The following ORC1 variants were observed in gnomAD, a reference collection of about 807,000 sequenced individuals.
The protein encoded by ORC1 is origin recognition complex subunit 1.
ORC1 carries 61 observed loss-of-function variants against 98.9 expected under a neutral mutation model. The observed-to-expected ratio is 0.62, with a 90% CI of 0.50 to 0.76. The LOEUF (loss-of-function observed/expected upper bound fraction) is 0.76. Ranked by LOEUF, ORC1 falls within the 30% of genes least tolerant of loss-of-function variation. The pLI is 0.00. For missense variants in ORC1, 979 were observed against 1,072.2 expected (o/e 0.91, Z 1.21); for synonymous variants, 385 against 406.9 (o/e 0.95, Z 0.65).
chr1:52,401,485 T>C lies in ORC1; in HGVS notation c.100A>G (p.Met34Val). Residue 34 changes from methionine (M) to valine (V), a missense_variant, in exon 3 of 17, where the codon ATG (methionine) becomes GTG (valine). Met to Val is a conservative substitution (Grantham distance 21, BLOSUM62 1). Coordinates refer to ENST00000371568, the MANE Select transcript of ORC1 (RefSeq NM_004153.4). ...GAACAACCTTCTGTTTTCACACACATTTCTCTAGGAAGTAACAGAGAAGCA... is the reference window on the plus strand; with the variant it reads ...GAACAACCTTCTGTTTTCACACACACTTCTCTAGGAAGTAACAGAGAAGCA... ...RKLHYQTYREMCVKTEGCSTE... is the reference protein window; with the variant it reads ...RKLHYQTYREVCVKTEGCSTE... 1 of 1,613,948 alleles carries C rather than the reference T, an allele frequency of 6.2e-7. No homozygotes were observed.
At chr1:52,381,212 T>C (rs72666821) in intron 14 of ORC1, among the ~76,000 whole-genome samples, 4,497 of 152,236 alleles carry the variant, frequency 0.03, 109 homozygotes, top group Non-Finnish European at 0.045. Context: ...GGGCATGTAA[T>C]AGACATGATA....
intron 13 of ORC1, among the ~76,000 whole-genome samples, chr1:52,381,969 A>G (rs1647076445): frequency 6.6e-6 from 1 of 152,004 alleles, no homozygotes; most frequent in Non-Finnish European, 1.5e-5. Flanking sequence ...CATTTCATTT[A>G]AGGACCTTTG....
In ORC1 at chr1:52,401,449, G is replaced by T; in HGVS notation, c.136C>A (p.His46Asn). ...VKTEGCSTEI[H>N]IQIGQFVLIE... ...AACACAAACTGTCCAATCTGGATGT[G>T]AATCTCGGTGGAACAACCTTCTGTT... The change falls in exon 3 of 17, where the codon CAC becomes AAC. Residue 46 changes from histidine (H) to asparagine (N), a missense_variant. Coordinates refer to ENST00000371568, the MANE Select transcript of ORC1 (RefSeq NM_004153.4). 6.2e-7 allele frequency: 1 copy of T among 1,614,022 alleles called. No homozygotes were observed. Among genetic ancestry groups the T allele is most frequent in the Non-Finnish European group, 8.5e-7 (1 of 1,179,984 alleles).
Position 52,372,901 on chromosome 1 carries a change from TACA to T in ORC1, c.*277_*279del. ...GCCATTTCCATTCAATATACTTTGT[TACA>T]ACAATTCCATGTACTTCCAAAATCA... On this transcript the variant is annotated 3_prime_UTR_variant, in exon 17 of 17. Coordinates refer to ENST00000371568, the MANE Select transcript of ORC1 (RefSeq NM_004153.4). The T allele has an allele frequency of 2.4e-6, 1 of 421,144 alleles. No individual in the cohort carries two copies. The highest frequency in any genetic ancestry group is 4.4e-6 in the Non-Finnish European group (1 of 224,816). 26.1% of individuals were successfully genotyped at this position (421,144 alleles called of 1,614,324 possible). A position where few individuals can be genotyped will look rare whatever the true frequency, so the allele number is the denominator to read the frequency against.
At chr1:52,382,284 TG>T (rs1647081710) in intron 13 of ORC1, among the ~76,000 whole-genome samples, 1 of 151,596 alleles carries the variant, frequency 6.6e-6, no homozygotes, top group South Asian at 2.1e-4. Flanking sequence ...CGGCCTAAAC[TG>T]GGATTATAGG....
chr1:52,391,109 G>A (rs746816549), intron 6 of ORC1, among the ~76,000 whole-genome samples: 15 of 151,414 alleles, frequency 9.9e-5, no homozygotes, highest in East Asian at 1.9e-4. Flanking sequence ...AGGAGTTCGA[G>A]ACCAGCCTGG....
rs911884648 is a variant in ORC1, at chr1:52,379,896, G to A, written c.2133+1746C>T. On this transcript the variant is annotated intron_variant, in intron 14 of 16. Coordinates refer to ENST00000371568, the MANE Select transcript of ORC1 (RefSeq NM_004153.4). The stretch of plus-strand genomic sequence containing the variant: ...TGCGGTAAGCCGAAATTGCACCATC[G>A]CACTCCAGCCTGGCGACAGAGTGAG... Among the ~76,000 whole-genome samples, 4 of 151,964 alleles carry A rather than the reference G, an allele frequency of 2.6e-5. No individual in the cohort carries two copies. In the South Asian group the frequency reaches 6.2e-4, roughly 24 times the overall value.
At chr1:52,376,847 G>T (rs756718633) in intron 14 of ORC1, among the ~76,000 whole-genome samples, 3 of 152,046 alleles carry the variant, frequency 2.0e-5, no homozygotes, top group Non-Finnish European at 4.4e-5. Context: ...AAGAAGCTAA[G>T]GCCCAGCCAA....
At chr1:52,387,816 A>G (rs143875908) in intron 8 of ORC1, among the ~76,000 whole-genome samples, 2 of 152,362 alleles carry the variant, frequency 1.3e-5, no homozygotes, top group Non-Finnish European at 2.9e-5. Flanking sequence ...AAAAATGGAC[A>G]TCAGCTTTAG....
chr1:52,389,343 T>C, intron 6 of ORC1, 22 bp from the exon 7 acceptor site: 1 of 1,592,204 alleles, frequency 6.3e-7, no homozygotes, highest in South Asian at 1.1e-5. Context: ...CACAGCGAGG[T>C]CACGGGAAGC....
intron 14 of ORC1, among the ~76,000 whole-genome samples, chr1:52,376,900 C>G (rs1239484747): frequency 2.0e-5 from 3 of 152,206 alleles, no homozygotes; most frequent in Non-Finnish European, 4.4e-5. Context: ...TGAAACTTGA[C>G]CTCCACTTCA....
chr1:52,375,444 G>A lies in ORC1; in HGVS notation c.2289C>T (p.Tyr763=). 6.2e-7 allele frequency: 1 copy of A among 1,614,124 alleles called. No individual in the cohort carries two copies. Among genetic ancestry groups the A allele is most frequent in the South Asian group, 1.1e-5 (1 of 91,086 alleles). ...EAVDEMFSSS[Y]ITAIKNSSVL... Reference sequence around the variant, plus strand: ...GAGCATCTTACTTGATGGCCGTGATGTATGATGATGAAAACATCTCATCCA... The same window carrying A: ...GAGCATCTTACTTGATGGCCGTGATATATGATGATGAAAACATCTCATCCA... The change falls in exon 15 of 17, where the codon TAC becomes TAT. Residue 763 remains tyrosine (Y), a synonymous_variant. Transcript: ENST00000371568.
At chr1:52,392,250 C>A (rs1244298491) in intron 6 of ORC1, among the ~76,000 whole-genome samples, 11 of 152,024 alleles carry the variant, frequency 7.2e-5, no homozygotes, top group Non-Finnish European at 1.2e-4. Context: ...CTGCCTCAGC[C>A]TCCCAAGTAG....
chr1:52,374,841 C>A lies in ORC1; in HGVS notation c.2360G>T (p.Arg787Leu), dbSNP rs756545032. 1.9e-6 allele frequency: 3 copies of A among 1,613,838 alleles called. No homozygotes were observed. The highest frequency in any genetic ancestry group is 2.5e-6 in the Non-Finnish European group (3 of 1,179,758). The change falls in exon 16 of 17, where the codon CGA (arginine) becomes CTA (leucine). Residue 787 changes from arginine to leucine, a missense_variant. Arg to Leu is a moderately radical substitution (Grantham distance 102). Transcript: ENST00000371568. ...FLRAILAEFR[R>L]SGLEEATFQQ... ...AAACGTGGCTTCCTCCAGTCCTGAT[C>A]GACGGAACTCTGCGAGGATGGCTCT... is the stretch of plus-strand genomic sequence containing the variant.
At chr1:52,380,896 C>A (rs1297459404) in intron 14 of ORC1, among the ~76,000 whole-genome samples, 1 of 152,196 alleles carries the variant, frequency 6.6e-6, no homozygotes, top group Non-Finnish European at 1.5e-5. Context: ...ACCCCAGTCC[C>A]TAATACAGTA....
intron 8 of ORC1, 142 bp downstream of exon 8, chr1:52,388,300 T>C (rs1647169620): frequency 2.4e-6 from 2 of 822,068 alleles, no homozygotes; most frequent in Non-Finnish European, 4.3e-6. Context: ...CCCTTCTCCA[T>C]GAATATTCCA....
intron 9 of ORC1, among the ~76,000 whole-genome samples, 200 bp from the exon 10 acceptor site, chr1:52,385,462 A>G (rs2147925973): frequency 6.6e-6 from 1 of 152,278 alleles, no homozygotes; most frequent in East Asian, 1.9e-4. Flanking sequence ...CTCCACCCAA[A>G]TCACATGGGT....
At chr1:52,394,774 G>A (rs1017759672) in intron 5 of ORC1, among the ~76,000 whole-genome samples, 4 of 151,950 alleles carry the variant, frequency 2.6e-5, no homozygotes, top group Non-Finnish European at 4.4e-5. Flanking sequence ...TCAGCCTCCC[G>A]AGTAGCTGGG....
intron 8 of ORC1, among the ~76,000 whole-genome samples, chr1:52,386,402 G>A (rs111753954): frequency 2.6e-5 from 4 of 152,098 alleles, no homozygotes; most frequent in Non-Finnish European, 2.9e-5. Context: ...CATGGCCCAC[G>A]GTGCGGGACC....
Sources: gnomAD v4.1 joint callset for allele counts (sites outside exome capture counted in the v4.1 genomes callset) on GRCh38, gnomAD v4.1.1 for gene constraint, MANE v1.5 for transcripts, NCBI Gene and HGNC (gene_info 2026-07-23, HGNC 2026-07-21) for gene names.